Variants in TAFA1 observed in about 807,000 individuals in gnomAD.
The protein encoded by TAFA1 is TAFA chemokine like family member 1, also known as chemokine-like protein TAFA-1.
A neutral mutation model predicts 18.5 loss-of-function variants in TAFA1; 4 were observed. That is an observed-to-expected ratio of 0.22 (90% CI 0.11 to 0.49). The LOEUF is 0.49. Ranked by LOEUF, TAFA1 falls within the 20% of genes least tolerant of loss-of-function variation. TAFA1 has a pLI of 0.98. For missense variants in TAFA1, 147 were observed against 169.0 expected (o/e 0.87, Z 0.72); for synonymous variants, 56 against 55.2 (o/e 1.01, Z -0.06).
At chr3:68,540,282 C>A (rs1408746372) in intron 4 of TAFA1, among the ~76,000 whole-genome samples, 1 of 152,040 alleles carries the variant, frequency 6.6e-6, no homozygotes, top group African/African-American at 2.4e-5. Flanking sequence ...CTCTGAACCA[C>A]CCTAGCTTGC....
chr3:68,249,934 C>T (rs9880501), intron 2 of TAFA1, among the ~76,000 whole-genome samples: 1,898 of 152,106 alleles, frequency 0.012, 44 homozygotes, highest in African/African-American at 0.044. Context: ...ACACAGCCTC[C>T]GAAGGCCACG....
chr3:68,000,616 G>A (rs1037418850), upstream of TAFA1, among the ~76,000 whole-genome samples: 4 of 152,206 alleles, frequency 2.6e-5, no homozygotes, highest in African/African-American at 9.7e-5. Flanking sequence ...ACTATTGAAA[G>A]GCTTTTAAGT....
At chr3:68,357,381 G>GA (rs11425432) in intron 2 of TAFA1, among the ~76,000 whole-genome samples, 74,706 of 150,790 alleles carry the variant, frequency 0.5, 18,899 homozygotes, top group East Asian at 0.73. Context: ...TTTGTTTTCA[G>GA]AAAAAAAAAC....
At chr3:68,496,103 T>C (rs1858243) in intron 3 of TAFA1, among the ~76,000 whole-genome samples, 141,072 of 151,928 alleles carry the variant, frequency 0.93, 65,593 homozygotes, top group African/African-American at 0.98. Context: ...AGTTGTTCCC[T>C]AGTGAGACAT....
At chr3:68,146,005 AC>A (rs2065735850) in intron 2 of TAFA1, among the ~76,000 whole-genome samples, 1 of 152,130 alleles carries the variant, frequency 6.6e-6, no homozygotes, top group Non-Finnish European at 1.5e-5. Context: ...TGCAACCACA[AC>A]CCTGGATTTT....
chr3:68,337,678 A>C (rs1400870288), intron 2 of TAFA1, among the ~76,000 whole-genome samples: 4 of 151,828 alleles, frequency 2.6e-5, no homozygotes, highest in Non-Finnish European at 4.4e-5. Context: ...TATTTATGGT[A>C]AGAACACTTA....
At chr3:68,318,268 G>A (rs1439961948) in intron 2 of TAFA1, among the ~76,000 whole-genome samples, 1 of 152,140 alleles carries the variant, frequency 6.6e-6, no homozygotes, top group Non-Finnish European at 1.5e-5. Context: ...GGGATGGGAT[G>A]CACCATATGC....
In TAFA1 at chr3:68,383,095, C is replaced by A. The variant is rs2070011056; in HGVS notation, c.119-34185C>A. Among the ~76,000 whole-genome samples, 3 of 152,092 alleles carry A rather than the reference C, an allele frequency of 2.0e-5. No individual in the cohort carries two copies. The South Asian group carries it at 6.2e-4, about 32-fold the overall frequency. On this transcript the variant is annotated intron_variant, in intron 2 of 4. Transcript: ENST00000478136. ...CAAAGTTGTTTATTAGCTTAAGGAG[C>A]CTTTGGGCTGAGACTATAGGGTTTT...
intron 2 of TAFA1, among the ~76,000 whole-genome samples, chr3:68,060,164 T>C (rs1368999594): frequency 1.3e-5 from 2 of 151,878 alleles, no homozygotes; most frequent in Non-Finnish European, 2.9e-5. Flanking sequence ...CCTCATCACC[T>C]CAAAAGTCCA....
At chr3:68,354,114 A>C (rs1446100034) in intron 2 of TAFA1, among the ~76,000 whole-genome samples, 1 of 151,768 alleles carries the variant, frequency 6.6e-6, no homozygotes, top group Non-Finnish European at 1.5e-5. Flanking sequence ...ACAACAACAA[A>C]AACTAGACTC....
At chr3:68,480,477 G>A (rs1048021811) in intron 3 of TAFA1, among the ~76,000 whole-genome samples, 2 of 152,138 alleles carry the variant, frequency 1.3e-5, no homozygotes, top group African/African-American at 4.8e-5. Flanking sequence ...AGAAAGTCGT[G>A]AGTGCAGTAC....
chr3:67,998,188 T>C, the TAFA1 span, among the ~76,000 whole-genome samples: 1 of 152,212 alleles, frequency 6.6e-6, no homozygotes, highest in Admixed American at 6.5e-5. Flanking sequence ...TGATAGGTTA[T>C]AGATGACTTT....
intron 3 of TAFA1, among the ~76,000 whole-genome samples, chr3:68,471,021 T>C (rs1321670181): frequency 6.6e-6 from 1 of 152,130 alleles, no homozygotes; most frequent in Non-Finnish European, 1.5e-5. Flanking sequence ...CTTGGTGCCC[T>C]GCATCCAAGA....
At chr3:68,049,002 G>A (rs73106882) in intron 2 of TAFA1, among the ~76,000 whole-genome samples, 2,866 of 152,176 alleles carry the variant, frequency 0.019, 49 homozygotes, top group Middle Eastern at 0.041. Flanking sequence ...TGAATCATAC[G>A]GAAGTTCTAT....
chr3:68,100,292 CTGG>C (rs1177142337), intron 2 of TAFA1, among the ~76,000 whole-genome samples: 3 of 152,042 alleles, frequency 2.0e-5, no homozygotes, highest in Admixed American at 2.0e-4. Flanking sequence ...CAAGACCAGC[CTGG>C]CCAACATGGT....
At chr3:68,138,049 A>G (rs2065628676) in intron 2 of TAFA1, among the ~76,000 whole-genome samples, 1 of 152,180 alleles carries the variant, frequency 6.6e-6, no homozygotes, top group Non-Finnish European at 1.5e-5. Context: ...AAAGAATTTG[A>G]AAATGCCTAA....
At chr3:68,504,776 A>G (rs2072718913) in intron 3 of TAFA1, among the ~76,000 whole-genome samples, 1 of 152,046 alleles carries the variant, frequency 6.6e-6, no homozygotes, top group Admixed American at 6.6e-5. Context: ...TGTTCAGTAA[A>G]AGTAAAAGTC....
chr3:68,066,164 A>T (rs1198667258), intron 2 of TAFA1, among the ~76,000 whole-genome samples: 1 of 152,162 alleles, frequency 6.6e-6, no homozygotes, highest in African/African-American at 2.4e-5. Context: ...AAATTTATCA[A>T]ATCATACATG....
At chr3:68,284,017 GT>G (rs1273933290) in intron 2 of TAFA1, among the ~76,000 whole-genome samples, 8 of 152,310 alleles carry the variant, frequency 5.3e-5, no homozygotes, top group Admixed American at 2.0e-4. Flanking sequence ...TCCTTATGAT[GT>G]TATCTGCAGC....
Sources: allele counts gnomAD v4.1 joint callset (sites outside exome capture counted in the v4.1 genomes callset), GRCh38; gene constraint gnomAD v4.1.1; transcripts MANE v1.5; gene names NCBI Gene and HGNC (gene_info 2026-07-23, HGNC 2026-07-21).